GNG7: variants seen among roughly 807,000 people sequenced by gnomAD.
GNG7 encodes the protein guanine nucleotide-binding protein G(I)/G(S)/G(O) subunit gamma-7.
Under a neutral mutation model 4.0 loss-of-function variants are expected in GNG7, and 1 was observed. The observed-to-expected ratio is 0.25, with a 90% CI of 0.09 to 1.18. The LOEUF is 1.18. Among genes scored for constraint, GNG7 ranks in the 50% most tolerant of loss-of-function variants. The pLI, the probability that GNG7 is intolerant of heterozygous loss-of-function variation, is 0.50. For missense variants in GNG7, 86 were observed against 91.9 expected (o/e 0.94, Z 0.26); for synonymous variants, 34 against 36.9 (o/e 0.92, Z 0.29).
intron 3 of GNG7, among the ~76,000 whole-genome samples, chr19:2,550,040 T>G (rs8112408): frequency 0.39 from 58,853 of 152,106 alleles, 12,700 homozygotes; most frequent in African/African-American, 0.6. Flanking sequence ...GAGGCCTCTT[T>G]CCGCTCTCAG....
intron 2 of GNG7, among the ~76,000 whole-genome samples, chr19:2,593,001 G>A (rs999698468): frequency 3.3e-4 from 48 of 145,698 alleles, no homozygotes; most frequent in African/African-American, 1.2e-3. Flanking sequence ...GGAGGGGAAA[G>A]GAGAAGGGAA....
chr19:2,530,112 C>G (rs1323040760), intron 3 of GNG7, among the ~76,000 whole-genome samples: 1 of 152,198 alleles, frequency 6.6e-6, no homozygotes, highest in African/African-American at 2.4e-5. Flanking sequence ...TGCTGAGGTC[C>G]ACTAGAAAAG....
intron 2 of GNG7, among the ~76,000 whole-genome samples, chr19:2,625,447 C>T (rs1482617716): frequency 6.6e-6 from 1 of 151,776 alleles, no homozygotes; most frequent in African/African-American, 2.4e-5. Flanking sequence ...CTCCCGGCCT[C>T]AAGCGATCTT....
At chr19:2,628,025 C>A (rs1262367959) in intron 2 of GNG7, among the ~76,000 whole-genome samples, 1 of 152,204 alleles carries the variant, frequency 6.6e-6, no homozygotes. Flanking sequence ...TGCCATGTGA[C>A]CCTGGGCACG....
In GNG7 at chr19:2,511,790, G is replaced by GC; in HGVS notation, c.*3231_*3232insG. 6.1e-6 allele frequency: 6 copies of GC among 985,944 alleles called. No individual in the cohort carries two copies. The highest frequency in any genetic ancestry group is 7.2e-6 in the Non-Finnish European group (6 of 829,976). 61.1% of individuals were successfully genotyped at this position (985,944 alleles called of 1,614,324 possible). On this transcript the variant is annotated 3_prime_UTR_variant, in exon 5 of 5. Coordinates refer to ENST00000382159, the MANE Select transcript of GNG7 (RefSeq NM_052847.3). This position sits in a 1 kb window ranked among gnomAD's most constrained non-coding sequence, Gnocchi z 6.3. ...GCCCTGGCCCAGCCGCCCCGTTTAT[G>GC]TCCCCAGAGGCCAGAGGTCGCAGCT...
At chr19:2,553,968 A>G (rs1462180857) in intron 3 of GNG7, among the ~76,000 whole-genome samples, 13 of 100,718 alleles carry the variant, frequency 1.3e-4, no homozygotes. Flanking sequence ...TATTACACAT[A>G]TGTATATATT....
intron 2 of GNG7, among the ~76,000 whole-genome samples, chr19:2,622,162 C>T (rs1981891767): frequency 6.6e-6 from 1 of 151,960 alleles, no homozygotes; most frequent in Admixed American, 6.6e-5. Flanking sequence ...TCACTGCAAG[C>T]TCTGCCTCCC....
chr19:2,554,129 G>A (rs1979471892), intron 3 of GNG7, among the ~76,000 whole-genome samples: 1 of 145,986 alleles, frequency 6.8e-6, no homozygotes. Context: ...TGATATAATA[G>A]TATATTATAG....
chr19:2,657,362 ATATATATATATATATATATATAT>A (rs1830242188), intron 1 of GNG7, among the ~76,000 whole-genome samples: 2 of 10,776 alleles, frequency 1.9e-4, no homozygotes, highest in African/African-American at 4.1e-4. Flanking sequence ...AAAAAAAAAA[ATATATATATATATATATATATAT>A]ATATATATAT....
chr19:2,661,592 G>A (rs1365301686), intron 1 of GNG7, among the ~76,000 whole-genome samples: 1 of 148,090 alleles, frequency 6.8e-6, no homozygotes, highest in Non-Finnish European at 1.5e-5. Context: ...AGAATTGCAT[G>A]AATCCAAGAG....
chr19:2,639,758 A>AGGAAGGAGGGAGGGAGGGGGGGGAG (rs1211392109), intron 2 of GNG7, among the ~76,000 whole-genome samples: 1 of 848 alleles, frequency 1.2e-3, no homozygotes, highest in African/African-American at 6.6e-3. Context: ...AGGGGGAGGA[A>AGGAAGGAGGGAGGGAGGGGGGGGAG]GGAGGGGGGA....
intron 2 of GNG7, among the ~76,000 whole-genome samples, chr19:2,558,066 C>T (rs538712820): frequency 7.5e-4 from 114 of 152,126 alleles, no homozygotes; most frequent in African/African-American, 2.6e-3. Context: ...TGGCCTTGAT[C>T]TCCTGACCTC....
intron 2 of GNG7, among the ~76,000 whole-genome samples, chr19:2,644,318 G>A (rs1363204946): frequency 2.9e-5 from 2 of 69,630 alleles, no homozygotes; most frequent in African/African-American, 1.1e-4. Flanking sequence ...ACTGCACCCG[G>A]CCTACACTTT....
intron 2 of GNG7, among the ~76,000 whole-genome samples, chr19:2,608,869 G>A (rs1438107620): frequency 1.3e-5 from 2 of 152,202 alleles, no homozygotes; most frequent in Non-Finnish European, 2.9e-5. Flanking sequence ...CTTCTCCAAA[G>A]CCACCTTCTG....
intron 2 of GNG7, among the ~76,000 whole-genome samples, chr19:2,583,763 C>T (rs1278725376): frequency 1.3e-5 from 2 of 152,142 alleles, no homozygotes; most frequent in Non-Finnish European, 1.5e-5. Context: ...TGGCACTGCA[C>T]TCCTATTTAA....
chr19:2,567,651 G>A (rs1258894553), intron 2 of GNG7, among the ~76,000 whole-genome samples: 1 of 152,060 alleles, frequency 6.6e-6, no homozygotes, highest in Admixed American at 6.6e-5. Flanking sequence ...ATCCTACTTA[G>A]GCACTGCCTC....
chr19:2,687,565 G>A (rs377109745), intron 1 of GNG7, among the ~76,000 whole-genome samples: 6 of 152,076 alleles, frequency 3.9e-5, no homozygotes, highest in South Asian at 2.1e-4. Flanking sequence ...GCGGTGAGCC[G>A]AGATCGCACC....
At chr19:2,676,848 T>A (rs994141346) in intron 1 of GNG7, among the ~76,000 whole-genome samples, 1 of 152,006 alleles carries the variant, frequency 6.6e-6, no homozygotes, top group African/African-American at 2.4e-5. Context: ...CTCAAAGAGA[T>A]GTGTGGCAGA....
At chr19:2,569,139 A>C (rs755109800) in intron 2 of GNG7, among the ~76,000 whole-genome samples, 1 of 152,138 alleles carries the variant, frequency 6.6e-6, no homozygotes, top group Non-Finnish European at 1.5e-5. Flanking sequence ...GTGCGCGCAC[A>C]CACACACAAC....
Sources: gnomAD v4.1 joint callset for allele counts (sites outside exome capture counted in the v4.1 genomes callset) on GRCh38, gnomAD v4.1.1 for gene constraint, Gnocchi (gnomAD v3.1) non-coding constraint, MANE v1.5 for transcripts, NCBI Gene and HGNC (gene_info 2026-07-23, HGNC 2026-07-21) for gene names.